Variants in GRM4 observed in about 807,000 individuals in gnomAD.
GRM4 encodes glutamate metabotropic receptor 4, also known as metabotropic glutamate receptor 4.
A neutral mutation model predicts 81.7 loss-of-function variants in GRM4; 28 were observed. That is an observed-to-expected ratio of 0.34 (90% CI 0.25 to 0.47). The LOEUF (loss-of-function observed/expected upper bound fraction) is 0.47. GRM4 is among the 20% of genes least tolerant of loss of function. The probability of loss-of-function intolerance (pLI) is 1.00; values close to 1 mark genes in which losing one functional copy is unlikely to be tolerated. For missense variants in GRM4, 948 were observed against 1,290.0 expected, an observed-to-expected ratio of 0.73 and a Z score of 4.06; for synonymous variants, 488 against 528.8, an observed-to-expected ratio of 0.92 and a Z score of 1.06.
chr6:34,058,922 C>G, intron 5 of GRM4, 52 bp downstream of exon 5: 2 of 1,450,888 alleles, frequency 1.4e-6, no homozygotes, highest in Non-Finnish European at 1.9e-6. Context: ...GGAGGGATGG[C>G]AGGAGGAGCA....
At chr6:34,139,874 C>G (rs1770607279) in intron 1 of GRM4, among the ~76,000 whole-genome samples, 1 of 152,168 alleles carries the variant, frequency 6.6e-6, no homozygotes, top group Non-Finnish European at 1.5e-5. Flanking sequence ...GTGTGACATT[C>G]AAAGGTGCTC....
At chr6:34,051,703 C>G (rs1316141903) in intron 6 of GRM4, among the ~76,000 whole-genome samples, 1 of 152,162 alleles carries the variant, frequency 6.6e-6, no homozygotes, top group African/African-American at 2.4e-5. Context: ...AGATGCCCCT[C>G]TTGGTGACCC....
intron 3 of GRM4, among the ~76,000 whole-genome samples, chr6:34,081,383 T>C (rs960890228): frequency 2.0e-5 from 3 of 152,218 alleles, no homozygotes; most frequent in African/African-American, 7.2e-5. Flanking sequence ...CTCAGGGGTC[T>C]GTACACAGGC....
At position 34,053,904 on chromosome 6, in the gene GRM4, C is replaced by A. The variant is rs770625998; in HGVS notation, c.1168+2640G>T. ...GCTTTGTAAAAATCCACGGCCTAGGCCCCACCCCTAAGGTTCTGATCTAGT... is the reference window on the plus strand; with the variant it reads ...GCTTTGTAAAAATCCACGGCCTAGGACCCACCCCTAAGGTTCTGATCTAGT... On this transcript the variant is annotated intron_variant, in intron 6 of 10. Transcript: ENST00000538487. 2.0e-5 allele frequency among the ~76,000 whole-genome samples: 3 copies of A among 152,218 alleles called. No individual in the cohort carries two copies. The South Asian group carries it at 6.2e-4, about 31-fold the overall frequency.
intron 10 of GRM4, among the ~76,000 whole-genome samples, chr6:34,026,694 C>G (rs1037642098): frequency 6.6e-6 from 1 of 152,150 alleles, no homozygotes; most frequent in African/African-American, 2.4e-5. Context: ...AGGGCAGTAC[C>G]CGTACTGAGC....
chr6:34,155,432 G>A (rs574048281), exon 1 of GRM4: 3 of 1,378,776 alleles, frequency 2.2e-6, no homozygotes, highest in East Asian at 5.1e-5. Flanking sequence ...CTGTGTGACA[G>A]GCCGGCGGTT....
chr6:34,056,783 GGA>G (rs1765919247), intron 5 of GRM4, 99 bp from the exon 6 acceptor site: 4 of 1,328,094 alleles, frequency 3.0e-6, no homozygotes, highest in African/African-American at 2.9e-5. Flanking sequence ...CCAGGCGGAG[GGA>G]GAGAGACCAG....
chr6:34,132,814 A>G (rs1035394463), intron 2 of GRM4, among the ~76,000 whole-genome samples, 164 bp downstream of exon 2: 1 of 152,224 alleles, frequency 6.6e-6, no homozygotes, highest in Non-Finnish European at 1.5e-5. Context: ...AACCAGGAAG[A>G]GCTGCCCCAA....
chr6:34,065,200 A>C (rs1201706209), intron 3 of GRM4, among the ~76,000 whole-genome samples: 1 of 151,886 alleles, frequency 6.6e-6, no homozygotes, highest in South Asian at 2.1e-4. Flanking sequence ...ACCACAGCCC[A>C]CCCTGTGCAT....
chr6:34,101,459 G>A (rs1487714499), intron 2 of GRM4, among the ~76,000 whole-genome samples: 1 of 152,150 alleles, frequency 6.6e-6, no homozygotes. Flanking sequence ...CGTACACGGT[G>A]GGCCTACACA....
intron 2 of GRM4, among the ~76,000 whole-genome samples, chr6:34,112,921 T>A (rs573246692): frequency 6.6e-6 from 1 of 152,346 alleles, no homozygotes; most frequent in African/African-American, 2.4e-5. Context: ...AATCCACTTA[T>A]GTTTTCGCCA....
At chr6:34,057,046 C>T (rs1269224400) in intron 5 of GRM4, among the ~76,000 whole-genome samples, 2 of 152,202 alleles carry the variant, frequency 1.3e-5, no homozygotes, top group South Asian at 2.1e-4. Flanking sequence ...CTGCCCAACC[C>T]GGGGAGCACC....
upstream of GRM4, among the ~76,000 whole-genome samples, chr6:34,148,542 G>A (rs913316700): frequency 3.3e-5 from 5 of 152,196 alleles, no homozygotes; most frequent in African/African-American, 1.2e-4. Flanking sequence ...ACCTCAAGGA[G>A]TCATGTTTCA....
chr6:34,083,178 C>T (rs1561800395), intron 3 of GRM4, among the ~76,000 whole-genome samples: 1 of 152,082 alleles, frequency 6.6e-6, no homozygotes, highest in South Asian at 2.1e-4. Flanking sequence ...CCCGTCTGGA[C>T]GAGCGCATCA....
chr6:34,132,577 C>T (rs1770285755), intron 2 of GRM4, among the ~76,000 whole-genome samples: 1 of 152,250 alleles, frequency 6.6e-6, no homozygotes, highest in African/African-American at 2.4e-5. Flanking sequence ...GTCTGTCTAT[C>T]CACCTGCGTA....
chr6:34,117,058 G>A (rs922884292), intron 2 of GRM4, among the ~76,000 whole-genome samples: 1 of 152,246 alleles, frequency 6.6e-6, no homozygotes, highest in Non-Finnish European at 1.5e-5. Context: ...CCAGGGCACT[G>A]AGAATGTTCT....
At chr6:34,052,855 A>G (rs932583987) in intron 6 of GRM4, among the ~76,000 whole-genome samples, 16 of 152,216 alleles carry the variant, frequency 1.1e-4, no homozygotes, top group African/African-American at 2.9e-4. Flanking sequence ...TGTGATAGTC[A>G]CAAGTTGCCT....
chr6:34,040,596 C>T lies in GRM4; in HGVS notation c.1321G>A (p.Val441Ile), dbSNP rs1158585297. The T allele has an allele frequency of 6.2e-7, 1 of 1,614,114 alleles. No individual in the cohort carries two copies. Among genetic ancestry groups the T allele is most frequent in the East Asian group, 2.2e-5 (1 of 44,884 alleles). The change falls in exon 7 of 11, where the codon GTA (valine) becomes ATA (isoleucine). Residue 441 changes from valine (V) to isoleucine (I), a missense_variant. Coordinates refer to ENST00000538487, the MANE Select transcript of GRM4 (RefSeq NM_000841.4). ...RVGLCPRMDP[V>I]DGTQLLKYIR... ...TACTTAAGCAGCTGGGTGCCATCTA[C>T]AGGGTCCATGCGCGGGCAGAGCCCC...
Position 34,056,560 on chromosome 6 carries a change from G to A in GRM4, c.1152C>T (p.His384=). The change falls in exon 6 of 11, where the codon CAC becomes CAT. Residue 384 remains histidine, a synonymous_variant. Coordinates refer to ENST00000538487, the MANE Select transcript of GRM4 (RefSeq NM_000841.4). Reference sequence around the variant, plus strand: ...CGTGCTCACTGGTGCACTTCTTGACGTGGCTGCCCTTCTTGAGGGCGTGGC... The same window carrying A: ...CGTGCTCACTGGTGCACTTCTTGACATGGCTGCCCTTCTTGAGGGCGTGGC... ...LSRHALKKGS[H]VKKCTNRERI... 6.2e-7 allele frequency: 1 copy of A among 1,613,044 alleles called. No individual in the cohort carries two copies. Among genetic ancestry groups the A allele is most frequent in the Non-Finnish European group, 8.5e-7 (1 of 1,179,768 alleles).
Sources: gnomAD v4.1 joint callset for allele counts (sites outside exome capture counted in the v4.1 genomes callset) on GRCh38, gnomAD v4.1.1 for gene constraint, MANE v1.5 for transcripts, NCBI Gene and HGNC (gene_info 2026-07-23, HGNC 2026-07-21) for gene names.